VTA1: variants seen among roughly 807,000 people sequenced by gnomAD.
VTA1 encodes vacuolar protein sorting-associated protein VTA1 homolog.
A neutral mutation model predicts 36.9 loss-of-function variants in VTA1; 24 were observed. The ratio of observed to expected loss-of-function variants is 0.65; its 90% CI spans 0.47 to 0.91. VTA1 has a LOEUF of 0.91. Among genes scored for constraint, VTA1 ranks in the 40% least tolerant of loss-of-function variants. The probability of loss-of-function intolerance (pLI) is 0.00; values close to 1 mark genes in which losing one functional copy is unlikely to be tolerated. For synonymous variants in VTA1, 142 were observed against 130.2 expected, an observed-to-expected ratio of 1.09 and a Z score of -0.62; for missense variants, 393 against 377.2, an observed-to-expected ratio of 1.04 and a Z score of -0.35.
rs112484201 is a variant in VTA1, at chr6:142,161,078, T to TCCCCCC, written c.113-5143_113-5138dup. Among the ~76,000 whole-genome samples the TCCCCCC allele has an allele frequency of 3.4e-5, 4 of 116,042 alleles. 1 individual carries two copies. Among genetic ancestry groups the TCCCCCC allele is most frequent in the Non-Finnish European group, 5.0e-5 (3 of 59,464 alleles). The allele number at this position is 116,042 out of a possible 152,430, so 76.1% of individuals were successfully genotyped here. ...AGGCATTCATTCATGCTTCCTTCCTTCCCCCCCCCCCCTTTTTTTGGGTCA... is the reference window on the plus strand; with the variant it reads ...AGGCATTCATTCATGCTTCCTTCCTTCCCCCCCCCCCCCCCCCCTTTTTTTGGGTCA... On this transcript the variant is annotated intron_variant, in intron 1 of 7. Transcript: ENST00000367630.
intron 5 of VTA1, among the ~76,000 whole-genome samples, chr6:142,195,613 T>A (rs1367918825): frequency 1.2e-4 from 18 of 148,924 alleles, no homozygotes; most frequent in African/African-American, 4.2e-4. Flanking sequence ...TTTTTTTTTT[T>A]TTAGCTTCTT....
chr6:142,217,686 T>C (rs17071541), intron 7 of VTA1, among the ~76,000 whole-genome samples: 10,016 of 152,022 alleles, frequency 0.066, 492 homozygotes, highest in Admixed American at 0.15. Context: ...TGTTATAGTC[T>C]ATGCCTCCCA....
chr6:142,157,253 TTAAC>T (rs1462200254), intron 1 of VTA1, among the ~76,000 whole-genome samples: 2 of 152,246 alleles, frequency 1.3e-5, no homozygotes, highest in African/African-American at 2.4e-5. Flanking sequence ...TCAGACAAGT[TTAAC>T]TAAACCAATA....
intron 4 of VTA1, among the ~76,000 whole-genome samples, chr6:142,184,309 C>T (rs187399732): frequency 6.6e-6 from 1 of 152,204 alleles, no homozygotes; most frequent in African/African-American, 2.4e-5. Flanking sequence ...AACAGTATGA[C>T]CTTCAGTAAA....
intron 5 of VTA1, among the ~76,000 whole-genome samples, chr6:142,191,227 C>G (rs1437176829): frequency 6.6e-6 from 1 of 151,978 alleles, no homozygotes. Flanking sequence ...GTGGAATTAT[C>G]TGGTCTTTAA....
intron 4 of VTA1, among the ~76,000 whole-genome samples, chr6:142,184,567 G>A (rs1775304973): frequency 1.3e-5 from 2 of 152,072 alleles, no homozygotes; most frequent in Admixed American, 1.3e-4. Context: ...TGGAAATGAG[G>A]GTGCTTCATA....
intron 5 of VTA1, 38 bp downstream of exon 5, chr6:142,189,572 G>C (rs1582893604): frequency 4.6e-6 from 7 of 1,531,728 alleles, no homozygotes. Context: ...GGACTTAGTA[G>C]AATCATAATT....
At chr6:142,203,782 A>G (rs1358364288) in intron 6 of VTA1, among the ~76,000 whole-genome samples, 2 of 152,210 alleles carry the variant, frequency 1.3e-5, no homozygotes, top group African/African-American at 4.8e-5. Context: ...GACAAAATAC[A>G]TGTTAGGAAA....
At chr6:142,204,422 CT>C (rs1775747313) in intron 7 of VTA1, among the ~76,000 whole-genome samples, 1 of 152,070 alleles carries the variant, frequency 6.6e-6, no homozygotes, top group African/African-American at 2.4e-5. Flanking sequence ...CTTTTCTTAT[CT>C]ACACTGTTAT....
chr6:142,154,263 G>A (rs1778619975), intron 1 of VTA1, among the ~76,000 whole-genome samples: 1 of 151,814 alleles, frequency 6.6e-6, no homozygotes, highest in African/African-American at 2.4e-5. Flanking sequence ...TAAGCTTTTG[G>A]GATTGGCTTT....
chr6:142,180,220 G>A (rs1221926120), intron 4 of VTA1, among the ~76,000 whole-genome samples: 1 of 152,162 alleles, frequency 6.6e-6, no homozygotes, highest in East Asian at 1.9e-4. Flanking sequence ...CTAAGTCCAG[G>A]AAGGCTACAG....
chr6:142,205,475 T>C (rs190230264), intron 7 of VTA1, among the ~76,000 whole-genome samples: 2 of 152,326 alleles, frequency 1.3e-5, no homozygotes, highest in Admixed American at 1.3e-4. Context: ...TTTTTAAATA[T>C]GTAAGAACTC....
At chr6:142,202,015 C>T (rs1775695112) in intron 6 of VTA1, among the ~76,000 whole-genome samples, 1 of 151,734 alleles carries the variant, frequency 6.6e-6, no homozygotes, top group Non-Finnish European at 1.5e-5. Flanking sequence ...TAGATTGGAC[C>T]ATTAGAGTAT....
chr6:142,179,448 G>T (rs1199534643), intron 4 of VTA1, among the ~76,000 whole-genome samples: 2 of 151,918 alleles, frequency 1.3e-5, no homozygotes, highest in African/African-American at 4.8e-5. Flanking sequence ...ATTCATAATA[G>T]CCCAAAGCTA....
At chr6:142,206,302 C>T (rs1314030756) in intron 7 of VTA1, among the ~76,000 whole-genome samples, 1 of 152,110 alleles carries the variant, frequency 6.6e-6, no homozygotes, top group Non-Finnish European at 1.5e-5. Flanking sequence ...AATACACTTG[C>T]CATTGTGTTT....
At chr6:142,209,611 T>C (rs1378218470) in intron 7 of VTA1, among the ~76,000 whole-genome samples, 2 of 147,334 alleles carry the variant, frequency 1.4e-5, no homozygotes, top group Non-Finnish European at 3.0e-5. Context: ...AAAAATGTAA[T>C]ACAAAAAATA....
intron 1 of VTA1, among the ~76,000 whole-genome samples, chr6:142,152,523 C>A (rs1262571540): frequency 2.0e-5 from 3 of 152,050 alleles, no homozygotes; most frequent in South Asian, 2.1e-4. Context: ...GTCTACTCTT[C>A]CTCATTATGG....
chr6:142,216,024 A>G (rs1055859805), intron 7 of VTA1, among the ~76,000 whole-genome samples: 5 of 152,168 alleles, frequency 3.3e-5, no homozygotes, highest in Non-Finnish European at 5.9e-5. Context: ...AAGATTTCAG[A>G]AGAGAGATAT....
At chr6:142,177,658 T>G (rs1218502935) in intron 4 of VTA1, among the ~76,000 whole-genome samples, 1 of 152,166 alleles carries the variant, frequency 6.6e-6, no homozygotes, top group East Asian at 1.9e-4. Context: ...GCTTTTTCTG[T>G]TGGAAGGTAA....
Sources: allele counts gnomAD v4.1 joint callset (sites outside exome capture counted in the v4.1 genomes callset), GRCh38; gene constraint gnomAD v4.1.1; transcripts MANE v1.5; gene names NCBI Gene and HGNC (gene_info 2026-07-23, HGNC 2026-07-21).